CALN1: variants seen among roughly 807,000 people sequenced by gnomAD.
CALN1 encodes the protein calcium-binding protein 8.
Under a neutral mutation model 30.6 loss-of-function variants are expected in CALN1, and 17 were observed. The observed-to-expected ratio is 0.56, with a 90% CI of 0.38 to 0.83. The LOEUF is 0.83. CALN1 is among the 40% of genes least tolerant of loss of function. The pLI is 0.00. For synonymous variants in CALN1, 156 were observed against 131.4 expected, an observed-to-expected ratio of 1.19 and a Z score of -1.28; for missense variants, 291 against 354.9, an observed-to-expected ratio of 0.82 and a Z score of 1.45.
intron 3 of CALN1, among the ~76,000 whole-genome samples, chr7:72,261,601 G>A (rs1056856473): frequency 1.3e-5 from 2 of 151,952 alleles, no homozygotes; most frequent in Non-Finnish European, 2.9e-5. Context: ...CTTTTTCAAC[G>A]ATTTTCTGTA....
intron 1 of CALN1, among the ~76,000 whole-genome samples, chr7:72,422,383 A>G (rs977688697): frequency 5.9e-5 from 9 of 152,190 alleles, no homozygotes; most frequent in African/African-American, 1.9e-4. Context: ...GTGATTAGTG[A>G]TGTTGAGATT....
intron 3 of CALN1, among the ~76,000 whole-genome samples, chr7:72,270,035 G>A (rs1268028017): frequency 6.6e-6 from 1 of 151,894 alleles, no homozygotes; most frequent in African/African-American, 2.4e-5. Context: ...AAAGAAATGG[G>A]AACTATAAAA....
chr7:71,866,456 T>A (rs1353015874), intron 5 of CALN1, among the ~76,000 whole-genome samples: 2 of 152,194 alleles, frequency 1.3e-5, no homozygotes, highest in Non-Finnish European at 2.9e-5. Flanking sequence ...TTTTTGCTAT[T>A]TGTTTTACAT....
chr7:72,078,014 T>TA (rs1173751686), intron 4 of CALN1, among the ~76,000 whole-genome samples: 1 of 152,200 alleles, frequency 6.6e-6, no homozygotes, highest in African/African-American at 2.4e-5. Context: ...CCCACAGGTC[T>TA]ATGTCTGGAA....
At position 72,367,924 on chromosome 7, in the gene CALN1, G is replaced by A. The variant is rs554250137; in HGVS notation, c.119+35327C>T. ...CGAGGCGGATGGATCACCAGGCCAG[G>A]AGATTGAGACCATCCTGGCTAGCAC... On this transcript the variant is annotated intron_variant, in intron 2 of 6. Transcript: ENST00000395275. Among the ~76,000 whole-genome samples the A allele has an allele frequency of 5.6e-3, 858 of 152,116 alleles. 3 individuals are homozygous for A. The highest frequency in any genetic ancestry group is 0.027 in the Middle Eastern group (8 of 292).
At chr7:71,876,019 GC>G (rs1189251338) in intron 5 of CALN1, among the ~76,000 whole-genome samples, 1 of 152,106 alleles carries the variant, frequency 6.6e-6, no homozygotes, top group Non-Finnish European at 1.5e-5. Flanking sequence ...GAGGTTTGGG[GC>G]ATTTGGCCAA....
chr7:72,155,649 C>T (rs1787611331), intron 3 of CALN1, among the ~76,000 whole-genome samples: 1 of 152,128 alleles, frequency 6.6e-6, no homozygotes. Context: ...ACCCTTTGTA[C>T]TAGGGAGGGC....
chr7:72,366,553 C>G (rs1803888910), intron 2 of CALN1, among the ~76,000 whole-genome samples: 1 of 151,738 alleles, frequency 6.6e-6, no homozygotes, highest in Non-Finnish European at 1.5e-5. Context: ...ATTTTTAGTG[C>G]TGAATTCTGA....
intron 5 of CALN1, among the ~76,000 whole-genome samples, chr7:71,901,418 T>C (rs1049962566): frequency 9.5e-6 from 1 of 104,758 alleles, no homozygotes; most frequent in Non-Finnish European, 1.9e-5. Flanking sequence ...CTATAATTCA[T>C]ATGGAACCAA....
At chr7:71,852,440 C>G (rs558568815) in intron 5 of CALN1, among the ~76,000 whole-genome samples, 6 of 146,446 alleles carry the variant, frequency 4.1e-5, no homozygotes, top group Non-Finnish European at 7.4e-5. Flanking sequence ...AGTTTGAGAC[C>G]AGCCTGGGCA....
chr7:72,316,065 C>T (rs1800421498), intron 2 of CALN1, among the ~76,000 whole-genome samples: 2 of 151,786 alleles, frequency 1.3e-5, no homozygotes, highest in African/African-American at 2.4e-5. Flanking sequence ...GCAGGAGAAT[C>T]GCTTGAACCC....
At chr7:71,982,173 C>T (rs1798433663) in intron 5 of CALN1, among the ~76,000 whole-genome samples, 1 of 152,202 alleles carries the variant, frequency 6.6e-6, no homozygotes, top group Non-Finnish European at 1.5e-5. Flanking sequence ...TGAAGCCCCT[C>T]TGTCTCCCTG....
intron 1 of CALN1, among the ~76,000 whole-genome samples, chr7:72,433,829 C>T (rs1808056022): frequency 6.6e-6 from 1 of 152,050 alleles, no homozygotes; most frequent in South Asian, 2.1e-4. Context: ...CTTTGGGAGG[C>T]CAAGGTCGCT....
intron 1 of CALN1, among the ~76,000 whole-genome samples, chr7:72,408,262 A>C (rs1276619915): frequency 2.4e-5 from 3 of 125,968 alleles, no homozygotes; most frequent in Non-Finnish European, 5.1e-5. Flanking sequence ...GTGAAACCCC[A>C]TCTCTATTAA....
chr7:72,100,492 A>C (rs1174471212), intron 4 of CALN1, among the ~76,000 whole-genome samples: 1 of 152,042 alleles, frequency 6.6e-6, no homozygotes, highest in Non-Finnish European at 1.5e-5. Flanking sequence ...AAGATCCTTA[A>C]ATCTTATAGG....
chr7:72,398,192 G>A (rs1806107074), intron 2 of CALN1, among the ~76,000 whole-genome samples: 1 of 152,222 alleles, frequency 6.6e-6, no homozygotes, highest in African/African-American at 2.4e-5. Flanking sequence ...TCAGCGTCCA[G>A]GCAACAAAGG....
chr7:71,827,775 A>AAAAAAATAAAT (rs1554347603), intron 5 of CALN1, among the ~76,000 whole-genome samples: 13 of 140,340 alleles, frequency 9.3e-5, no homozygotes, highest in African/African-American at 3.0e-4. Flanking sequence ...CCATCTTAAA[A>AAAAAAATAAAT]AAATAAATAA....
intron 3 of CALN1, among the ~76,000 whole-genome samples, chr7:72,108,690 A>G (rs909302501): frequency 6.6e-6 from 1 of 152,194 alleles, no homozygotes; most frequent in Non-Finnish European, 1.5e-5. Context: ...CCTATGATAT[A>G]TAAGTCCTGG....
chr7:72,209,883 G>A (rs1387088305), intron 3 of CALN1, among the ~76,000 whole-genome samples: 2 of 152,052 alleles, frequency 1.3e-5, no homozygotes, highest in Admixed American at 1.3e-4. Context: ...TATCCCACTT[G>A]GTGAAAATTG....
Sources: gnomAD v4.1 joint callset for allele counts (sites outside exome capture counted in the v4.1 genomes callset) on GRCh38, gnomAD v4.1.1 for gene constraint, MANE v1.5 for transcripts, NCBI Gene and HGNC (gene_info 2026-07-23, HGNC 2026-07-21) for gene names.